SUFU: variants seen among roughly 807,000 people sequenced by gnomAD.
The protein encoded by SUFU is suppressor of fused homolog.
A neutral mutation model predicts 58.9 loss-of-function variants in SUFU; 7 were observed. That is an observed-to-expected ratio of 0.12 (90% CI 0.07 to 0.22). The LOEUF is 0.22. Ranked by LOEUF, SUFU falls within the 10% of genes least tolerant of loss-of-function variation. The pLI, the probability that SUFU is intolerant of heterozygous loss-of-function variation, is 1.00. For synonymous variants in SUFU, 232 were observed against 254.8 expected (o/e 0.91, Z 0.85); for missense variants, 451 against 641.3 (o/e 0.70, Z 3.20).
chr10:102,579,817 T>G lies in SUFU; in HGVS notation c.455-12765T>G, dbSNP rs1025488164. ...TCTCAAACCAAACACTCAAATGAACTTTTCAAGTGATAAAACTGCATCCAG... is the reference window on the plus strand; with the variant it reads ...TCTCAAACCAAACACTCAAATGAACGTTTCAAGTGATAAAACTGCATCCAG... On this transcript the variant is annotated intron_variant, in intron 3 of 11. Transcript: ENST00000369902. The G allele has an allele frequency of 6.1e-6, 6 of 985,386 alleles. No individual in the cohort carries two copies. The Admixed American group carries it at 2.5e-4, about 40-fold the overall frequency. 61.0% of individuals were successfully genotyped at this position (985,386 alleles called of 1,614,324 possible).
intron 2 of SUFU, among the ~76,000 whole-genome samples, chr10:102,527,151 C>T (rs1468831054): frequency 6.6e-6 from 1 of 151,810 alleles, no homozygotes; most frequent in Admixed American, 6.6e-5. Context: ...CACAGGCACC[C>T]ACCACCACGC....
chr10:102,590,947 A>T (rs1272227455), intron 3 of SUFU: 1 of 152,142 alleles, frequency 6.6e-6, no homozygotes, highest in Non-Finnish European at 1.5e-5. Context: ...TCTCCCCTGT[A>T]TTATCACATC....
At position 102,577,080 on chromosome 10, in the gene SUFU, C is replaced by CTTTTTT. The variant is rs10656431; in HGVS notation, c.455-15498_455-15497insTTTTTT. 1.2e-4 allele frequency among the ~76,000 whole-genome samples: 12 copies of CTTTTTT among 97,082 alleles called. 2 individuals carry two copies. Among genetic ancestry groups the CTTTTTT allele is most frequent in the East Asian group, 2.7e-4 (1 of 3,662 alleles). The allele number at this position is 97,082 out of a possible 152,430, so 63.7% of individuals were successfully genotyped here. On this transcript the variant is annotated intron_variant, in intron 3 of 11. Coordinates refer to ENST00000369902, the MANE Select transcript of SUFU (RefSeq NM_016169.4). Reference sequence around the variant, plus strand: ...AGTAGAAGCATGTCCTGGATTTTTTCTTTTCTTTTTTTTTTTTTTTTGAGA... The same window carrying CTTTTTT: ...AGTAGAAGCATGTCCTGGATTTTTTCTTTTTTTTTTCTTTTTTTTTTTTTTTTGAGA...
At chr10:102,603,377 T>C (rs1214673418) in intron 8 of SUFU, among the ~76,000 whole-genome samples, 1 of 152,134 alleles carries the variant, frequency 6.6e-6, no homozygotes, top group East Asian at 1.9e-4. Context: ...ACCAGTATTC[T>C]AGGGCCACCT....
intron 4 of SUFU, 39 bp downstream of exon 4, chr10:102,592,763 G>A: frequency 1.9e-6 from 3 of 1,611,616 alleles, no homozygotes; most frequent in Non-Finnish European, 2.5e-6. Context: ...GCCTTCCTGT[G>A]GGAAGGGTCC....
At chr10:102,607,742 C>T (rs1263324921) in intron 8 of SUFU, among the ~76,000 whole-genome samples, 2 of 151,966 alleles carry the variant, frequency 1.3e-5, no homozygotes, top group East Asian at 1.9e-4. Context: ...GGTGAAACCC[C>T]GTCTCTACTA....
At chr10:102,543,469 G>T (rs759673878) in intron 2 of SUFU, among the ~76,000 whole-genome samples, 1 of 151,936 alleles carries the variant, frequency 6.6e-6, no homozygotes, top group Admixed American at 6.6e-5. Flanking sequence ...TAAAATGTAC[G>T]CTTTCATGGT....
intron 3 of SUFU, among the ~76,000 whole-genome samples, chr10:102,578,450 C>T (rs2063237445): frequency 1.3e-5 from 2 of 152,052 alleles, no homozygotes; most frequent in East Asian, 1.9e-4. Context: ...GCAGTGGCAC[C>T]TGTAACCCCA....
chr10:102,593,063 C>T (rs2063420713), intron 4 of SUFU, among the ~76,000 whole-genome samples: 1 of 152,152 alleles, frequency 6.6e-6, no homozygotes, highest in Non-Finnish European at 1.5e-5. Flanking sequence ...TTGCTCTTTG[C>T]CAGAAGCTGT....
At chr10:102,587,038 C>T (rs1362399660) in intron 3 of SUFU, among the ~76,000 whole-genome samples, 1 of 152,172 alleles carries the variant, frequency 6.6e-6, no homozygotes, top group African/African-American at 2.4e-5. Context: ...GCCAGAATTT[C>T]TTTTTTATGG....
chr10:102,509,124 G>T, intron 1 of SUFU, 45 bp from the exon 2 acceptor site: 1 of 1,612,746 alleles, frequency 6.2e-7, no homozygotes, highest in Non-Finnish European at 8.5e-7. Context: ...GACATTGTCT[G>T]ATTTCCAGGC....
At chr10:102,559,968 G>T (rs1006070732) in intron 3 of SUFU, among the ~76,000 whole-genome samples, 1 of 152,200 alleles carries the variant, frequency 6.6e-6, no homozygotes, top group Admixed American at 6.5e-5. Context: ...TTTGTGAGTG[G>T]CTCGATTTCT....
At chr10:102,592,757 T>A in intron 4 of SUFU, 33 bp downstream of exon 4, 1 of 1,612,702 alleles carries the variant, frequency 6.2e-7, no homozygotes, top group Non-Finnish European at 8.5e-7. Flanking sequence ...GCTCAAGCCT[T>A]CCTGTGGGAA....
intron 2 of SUFU, among the ~76,000 whole-genome samples, chr10:102,537,319 T>C (rs946336442): frequency 1.3e-5 from 2 of 151,656 alleles, no homozygotes; most frequent in African/African-American, 4.8e-5. Flanking sequence ...CTTGTAGAGA[T>C]GGGATGTCCT....
chr10:102,519,585 C>T (rs1273665487), intron 2 of SUFU, among the ~76,000 whole-genome samples: 1 of 150,626 alleles, frequency 6.6e-6, no homozygotes, highest in Non-Finnish European at 1.5e-5. Flanking sequence ...AGTAAGTTGC[C>T]AGGAAAGTCT....
intron 2 of SUFU, among the ~76,000 whole-genome samples, chr10:102,511,661 G>A (rs2062402444): frequency 6.6e-6 from 1 of 152,008 alleles, no homozygotes; most frequent in Admixed American, 6.6e-5. Context: ...ACAGATCTAG[G>A]GGTAAAAGAG....
chr10:102,618,668 TA>T (rs2063710473), intron 10 of SUFU: 1 of 264,014 alleles, frequency 3.8e-6, no homozygotes, highest in Non-Finnish European at 7.1e-6. Flanking sequence ...TCCCACTTGG[TA>T]ACATTAGATT....
intron 2 of SUFU, among the ~76,000 whole-genome samples, chr10:102,538,810 A>G (rs1047910692): frequency 2.6e-5 from 4 of 152,196 alleles, no homozygotes; most frequent in Admixed American, 6.5e-5. Flanking sequence ...AACTCTTCTT[A>G]TCTACATTTT....
intron 2 of SUFU, among the ~76,000 whole-genome samples, chr10:102,536,081 G>C (rs1364592344): frequency 6.6e-6 from 1 of 152,048 alleles, no homozygotes; most frequent in Non-Finnish European, 1.5e-5. Flanking sequence ...AGATTCTCCT[G>C]TCTCAGCCTC....
Sources: gnomAD v4.1 joint callset for allele counts (sites outside exome capture counted in the v4.1 genomes callset) on GRCh38, gnomAD v4.1.1 for gene constraint, MANE v1.5 for transcripts, NCBI Gene and HGNC (gene_info 2026-07-23, HGNC 2026-07-21) for gene names.